SORCS3: variants seen among roughly 807,000 people sequenced by gnomAD.
The protein encoded by SORCS3 is sortilin related VPS10 domain containing receptor 3, also known as VPS10 domain-containing receptor SorCS3.
In SORCS3, 57 loss-of-function variants were observed where a neutral mutation model predicts 146.3. The observed-to-expected ratio is 0.39, with a 90% CI of 0.31 to 0.49. The LOEUF (loss-of-function observed/expected upper bound fraction) is 0.49. Ranked by LOEUF, SORCS3 falls within the 20% of genes least tolerant of loss-of-function variation. The pLI is 0.92. For synonymous variants in SORCS3, 653 were observed against 618.5 expected, an observed-to-expected ratio of 1.06 and a Z score of -0.83; for missense variants, 1,341 against 1,575.5, an observed-to-expected ratio of 0.85 and a Z score of 2.52.
intron 5 of SORCS3, among the ~76,000 whole-genome samples, chr10:105,070,972 C>A (rs2055552846): frequency 6.6e-6 from 1 of 151,804 alleles, no homozygotes; most frequent in African/African-American, 2.4e-5. Context: ...AGAAGAGAAG[C>A]AAGTATCCTG....
At chr10:104,653,310 T>G (rs2015585690) in intron 1 of SORCS3, among the ~76,000 whole-genome samples, 1 of 152,232 alleles carries the variant, frequency 6.6e-6, no homozygotes, top group Non-Finnish European at 1.5e-5. Flanking sequence ...AGTACTATGA[T>G]ATTCCAACTT....
intron 4 of SORCS3, among the ~76,000 whole-genome samples, chr10:104,979,640 T>C (rs187982656): frequency 6.7e-4 from 102 of 152,260 alleles, no homozygotes; most frequent in African/African-American, 2.5e-3. Context: ...AACCTTTCTA[T>C]GTCTCGTTAA....
intron 1 of SORCS3, among the ~76,000 whole-genome samples, chr10:104,820,374 ACTGG>A (rs1247971518): frequency 6.6e-6 from 1 of 152,208 alleles, no homozygotes; most frequent in Admixed American, 6.5e-5. Flanking sequence ...GAATTTATCA[ACTGG>A]CTAACATTTA....
intron 7 of SORCS3, among the ~76,000 whole-genome samples, chr10:105,116,779 C>T (rs1036657092): frequency 1.6e-4 from 25 of 152,064 alleles, no homozygotes; most frequent in Non-Finnish European, 3.1e-4. Context: ...CAAACTAACA[C>T]GGAAATAGAA....
intron 4 of SORCS3, among the ~76,000 whole-genome samples, chr10:104,988,447 T>C (rs954779740): frequency 6.6e-6 from 1 of 152,194 alleles, no homozygotes; most frequent in African/African-American, 2.4e-5. Context: ...TTGCTGATGA[T>C]AAGACATAGG....
intron 3 of SORCS3, among the ~76,000 whole-genome samples, chr10:104,952,750 A>T (rs2019446024): frequency 6.6e-6 from 1 of 152,126 alleles, no homozygotes; most frequent in South Asian, 2.1e-4. Flanking sequence ...TTTCCCTTTG[A>T]TGTCACCTTA....
intron 7 of SORCS3, among the ~76,000 whole-genome samples, chr10:105,112,593 C>T (rs1183668285): frequency 6.6e-6 from 1 of 152,098 alleles, no homozygotes; most frequent in Non-Finnish European, 1.5e-5. Context: ...CTACCTGTTC[C>T]TGCCTACCAG....
intron 1 of SORCS3, among the ~76,000 whole-genome samples, chr10:104,697,220 A>G (rs1264091349): frequency 6.6e-6 from 1 of 152,204 alleles, no homozygotes; most frequent in Non-Finnish European, 1.5e-5. Flanking sequence ...GTTGTAAACA[A>G]TGCTGCAAGT....
At chr10:105,191,352 T>C (rs933775430) in intron 14 of SORCS3, among the ~76,000 whole-genome samples, 3 of 152,040 alleles carry the variant, frequency 2.0e-5, no homozygotes, top group African/African-American at 7.2e-5. Context: ...AATAGAAAGG[T>C]AGTATTTGAA....
chr10:105,093,425 T>C (rs2055723973), intron 6 of SORCS3, among the ~76,000 whole-genome samples: 1 of 152,184 alleles, frequency 6.6e-6, no homozygotes, highest in Non-Finnish European at 1.5e-5. Context: ...AAATTGAGCT[T>C]CATCAAAATT....
intron 5 of SORCS3, among the ~76,000 whole-genome samples, chr10:105,070,542 G>T (rs2055550061): frequency 6.6e-6 from 1 of 152,150 alleles, no homozygotes; most frequent in African/African-American, 2.4e-5. Flanking sequence ...TGTGATCAAG[G>T]AACCTCACAT....
intron 7 of SORCS3, among the ~76,000 whole-genome samples, chr10:105,107,626 C>T (rs1463146753): frequency 6.6e-6 from 1 of 152,000 alleles, no homozygotes; most frequent in Non-Finnish European, 1.5e-5. Flanking sequence ...TTTCATTATT[C>T]AATAAAGTTT....
chr10:105,202,951 T>G (rs2056583023), intron 16 of SORCS3, among the ~76,000 whole-genome samples: 1 of 152,196 alleles, frequency 6.6e-6, no homozygotes, highest in Admixed American at 6.5e-5. Context: ...ATGATGGAGC[T>G]GCATTTGGGC....
chr10:105,125,665 G>A (rs1219289525), intron 7 of SORCS3, among the ~76,000 whole-genome samples: 2 of 38,256 alleles, frequency 5.2e-5, no homozygotes, highest in East Asian at 1.5e-3. Flanking sequence ...CATGCATGTT[G>A]CATCACTGAA....
intron 1 of SORCS3, among the ~76,000 whole-genome samples, chr10:104,777,772 G>T (rs2017326420): frequency 6.6e-6 from 1 of 152,216 alleles, no homozygotes; most frequent in Admixed American, 6.5e-5. Context: ...GTATTTGAAA[G>T]AGATTAGGGC....
intron 20 of SORCS3, among the ~76,000 whole-genome samples, chr10:105,242,700 T>G (rs1342806202): frequency 1.0e-5 from 1 of 99,666 alleles, no homozygotes; most frequent in Non-Finnish European, 1.7e-5. Context: ...TTATATACAT[T>G]TATATATTTA....
rs184855615 is a variant in SORCS3, at chr10:104,752,097, C to G, written c.628-90695C>G. Among the ~76,000 whole-genome samples, 753 of 150,458 alleles carry G rather than the reference C, an allele frequency of 5.0e-3. 5 individuals are homozygous for G. The highest frequency in any genetic ancestry group is 0.017 in the African/African-American group (698 of 41,088). ...TCACCCAGGCTGGGGTGCAGTGGTG[C>G]GATCTCAGCTCACTGTAACCTCCGC... On this transcript the variant is annotated intron_variant, in intron 1 of 26. Coordinates refer to ENST00000369701, the MANE Select transcript of SORCS3 (RefSeq NM_014978.3).
At chr10:105,209,901 A>G (rs1346005859) in intron 16 of SORCS3, among the ~76,000 whole-genome samples, 9 of 152,120 alleles carry the variant, frequency 5.9e-5, no homozygotes, top group Admixed American at 5.9e-4. Flanking sequence ...GCTGTGTTGC[A>G]TATGGTTTTA....
intron 4 of SORCS3, among the ~76,000 whole-genome samples, chr10:105,021,590 G>T (rs2055197708): frequency 6.6e-6 from 1 of 152,120 alleles, no homozygotes; most frequent in South Asian, 2.1e-4. Flanking sequence ...ATAATTCGAA[G>T]AACTAGTAAT....
Sources: allele counts gnomAD v4.1 joint callset (sites outside exome capture counted in the v4.1 genomes callset), GRCh38; gene constraint gnomAD v4.1.1; transcripts MANE v1.5; gene names NCBI Gene and HGNC (gene_info 2026-07-23, HGNC 2026-07-21).